The following STXBP5L variants were observed in gnomAD, a reference collection of about 807,000 sequenced individuals.
STXBP5L encodes the protein syntaxin-binding protein 5-like.
Under a neutral mutation model 144.5 loss-of-function variants are expected in STXBP5L, and 65 were observed. The ratio of observed to expected loss-of-function variants is 0.45; its 90% confidence interval spans 0.37 to 0.55. The LOEUF (loss-of-function observed/expected upper bound fraction) is 0.55, where lower values mean the gene tolerates loss of function less well. Among genes scored for constraint, STXBP5L ranks in the 20% least tolerant of loss-of-function variants. STXBP5L has a pLI of 0.00. For synonymous variants in STXBP5L, 505 were observed against 469.6 expected, an observed-to-expected ratio of 1.08 and a Z score of -0.97; for missense variants, 1,298 against 1,405.5, an observed-to-expected ratio of 0.92 and a Z score of 1.22.
At chr3:121,026,612 T>C (rs1017690661) in intron 3 of STXBP5L, among the ~76,000 whole-genome samples, 1 of 152,006 alleles carries the variant, frequency 6.6e-6, no homozygotes, top group Admixed American at 6.6e-5. Context: ...AAAAGATGGA[T>C]GACAAAGTTT....
At chr3:120,967,421 G>A (rs533131006) in intron 3 of STXBP5L, among the ~76,000 whole-genome samples, 19 of 152,260 alleles carry the variant, frequency 1.2e-4, no homozygotes, top group Admixed American at 1.2e-3. Context: ...TTCCTATTCG[G>A]CCATCTTCAG....
intron 19 of STXBP5L, among the ~76,000 whole-genome samples, chr3:121,303,942 T>C (rs1031743406): frequency 2.0e-5 from 3 of 151,778 alleles, no homozygotes; most frequent in Non-Finnish European, 4.4e-5. Flanking sequence ...GATGAGTTAA[T>C]GGGTGCAGCA....
intron 5 of STXBP5L, among the ~76,000 whole-genome samples, chr3:121,093,657 C>T (rs543645940): frequency 1.3e-5 from 2 of 152,062 alleles, no homozygotes; most frequent in Admixed American, 6.6e-5. Flanking sequence ...TTTGATTCTT[C>T]TCTCTTTTTT....
intron 14 of STXBP5L, 54 bp from the exon 15 acceptor site, chr3:121,250,669 A>C (rs1400686497): frequency 7.0e-7 from 1 of 1,424,626 alleles, no homozygotes; most frequent in African/African-American, 1.4e-5. Context: ...ATTTGGAGTG[A>C]TTATGATTTT....
intron 20 of STXBP5L, among the ~76,000 whole-genome samples, chr3:121,354,966 G>T (rs9862193): frequency 0.1 from 15,235 of 152,132 alleles, 1,187 homozygotes; most frequent in Admixed American, 0.2. Context: ...AGTTTGGCTG[G>T]ATATGAAATT....
At chr3:121,210,769 T>G (rs569611569) in intron 10 of STXBP5L, among the ~76,000 whole-genome samples, 2 of 152,162 alleles carry the variant, frequency 1.3e-5, no homozygotes, top group African/African-American at 2.4e-5. Flanking sequence ...CTGAGGCCTC[T>G]GTTCTGTTCC....
At chr3:121,093,941 A>G (rs979286200) in intron 5 of STXBP5L, among the ~76,000 whole-genome samples, 14 of 151,884 alleles carry the variant, frequency 9.2e-5, no homozygotes, top group African/African-American at 2.7e-4. Flanking sequence ...ACACTGCTTT[A>G]AATGTGTCCC....
chr3:120,936,587 C>T (rs1253215078), intron 2 of STXBP5L, among the ~76,000 whole-genome samples: 5 of 151,506 alleles, frequency 3.3e-5, no homozygotes, highest in Non-Finnish European at 7.4e-5. Flanking sequence ...CACTTAGAGA[C>T]TCTTTCTTAA....
At chr3:121,078,559 G>A (rs1300645980) in intron 5 of STXBP5L, among the ~76,000 whole-genome samples, 1 of 152,260 alleles carries the variant, frequency 6.6e-6, no homozygotes, top group African/African-American at 2.4e-5. Context: ...GTGGTCGATG[G>A]GACTGGGCAC....
intron 3 of STXBP5L, among the ~76,000 whole-genome samples, chr3:120,958,203 ACC>A (rs1269790698): frequency 6.6e-6 from 1 of 152,142 alleles, no homozygotes; most frequent in Non-Finnish European, 1.5e-5. Flanking sequence ...CCAAGACTAA[ACC>A]AGGAAGAAAT....
intron 9 of STXBP5L, 151 bp downstream of exon 9, chr3:121,157,778 A>G: frequency 9.9e-7 from 1 of 1,010,394 alleles, no homozygotes; most frequent in Non-Finnish European, 1.4e-6. Context: ...TACAGATCCC[A>G]ACATTGTACC....
At chr3:121,031,006 A>G (rs934284448) in intron 3 of STXBP5L, among the ~76,000 whole-genome samples, 2 of 152,124 alleles carry the variant, frequency 1.3e-5, no homozygotes, top group Non-Finnish European at 2.9e-5. Context: ...ATGTGGATGT[A>G]TTGACACTCT....
chr3:121,310,042 T>A (rs1013032033), intron 19 of STXBP5L, among the ~76,000 whole-genome samples: 1 of 152,210 alleles, frequency 6.6e-6, no homozygotes, highest in African/African-American at 2.4e-5. Flanking sequence ...GCCAATTTGT[T>A]TTTGACAAAG....
intron 20 of STXBP5L, among the ~76,000 whole-genome samples, chr3:121,366,911 T>C (rs1421344604): frequency 1.3e-5 from 2 of 152,114 alleles, no homozygotes; most frequent in African/African-American, 2.4e-5. Context: ...TATTGGTATA[T>C]TTTATAGCTA....
intron 3 of STXBP5L, among the ~76,000 whole-genome samples, chr3:121,037,933 T>C (rs1471098512): frequency 2.0e-5 from 3 of 152,082 alleles, no homozygotes; most frequent in African/African-American, 7.2e-5. Context: ...GTCAAATTTA[T>C]TGGCATAATT....
chr3:121,083,223 A>C (rs977146192), intron 5 of STXBP5L, among the ~76,000 whole-genome samples: 8 of 152,032 alleles, frequency 5.3e-5, no homozygotes, highest in African/African-American at 1.9e-4. Context: ...AAAACAAAAA[A>C]AATCACTTTT....
chr3:121,165,835 A>T (rs1245992610), intron 9 of STXBP5L, among the ~76,000 whole-genome samples: 1 of 152,016 alleles, frequency 6.6e-6, no homozygotes, highest in Non-Finnish European at 1.5e-5. Context: ...GGCCGGTTGG[A>T]GATTCTCCGG....
At chr3:121,213,743 G>T (rs1183048002) in intron 10 of STXBP5L, among the ~76,000 whole-genome samples, 1 of 152,134 alleles carries the variant, frequency 6.6e-6, no homozygotes, top group Non-Finnish European at 1.5e-5. Context: ...GAGTTAGGGA[G>T]GAGTCTCTCT....
intron 10 of STXBP5L, among the ~76,000 whole-genome samples, chr3:121,208,874 A>T (rs2048442929): frequency 6.6e-6 from 1 of 151,952 alleles, no homozygotes; most frequent in African/African-American, 2.4e-5. Context: ...CCCATCATCT[A>T]CATTAGGTAT....
Sources: gnomAD v4.1 joint callset for allele counts (sites outside exome capture counted in the v4.1 genomes callset) on GRCh38, gnomAD v4.1.1 for gene constraint, MANE v1.5 for transcripts, NCBI Gene and HGNC (gene_info 2026-07-23, HGNC 2026-07-21) for gene names.